Variants in CAST observed in about 807,000 individuals in gnomAD.
CAST encodes the protein MIR583 host.
A neutral mutation model predicts 119.6 loss-of-function variants in CAST; 76 were observed. That is an observed-to-expected ratio of 0.64 (90% confidence interval 0.53 to 0.77). CAST has a LOEUF of 0.77. Ranked by LOEUF, CAST falls within the 30% of genes least tolerant of loss-of-function variation. The pLI is 0.00. For missense variants in CAST, 953 were observed against 946.5 expected (o/e 1.01, Z -0.09); for synonymous variants, 319 against 331.6 (o/e 0.96, Z 0.41).
the CAST span, among the ~76,000 whole-genome samples, chr5:96,421,119 G>A: frequency 6.6e-6 from 1 of 152,218 alleles, no homozygotes; most frequent in East Asian, 1.9e-4. Flanking sequence ...TGCCTAGAGC[G>A]TGAAGTTTCT....
intron 1 of CAST, among the ~76,000 whole-genome samples, chr5:96,617,790 TAAAAAAAAAAAAAA>T (rs1162873931): frequency 2.6e-3 from 57 of 21,990 alleles, no homozygotes; most frequent in African/African-American, 4.6e-3. Flanking sequence ...AAATTCCATC[TAAAAAAAAAAAAAA>T]AAAAAAAAAA....
At chr5:96,400,736 C>G in the CAST span, among the ~76,000 whole-genome samples, 1 of 152,186 alleles carries the variant, frequency 6.6e-6, no homozygotes, top group Admixed American at 6.5e-5. Flanking sequence ...CTCACTCTTG[C>G]AAGGCACTAT....
At chr5:96,478,245 C>T in the CAST span, among the ~76,000 whole-genome samples, 76 of 151,918 alleles carry the variant, frequency 5.0e-4, no homozygotes, top group East Asian at 1.5e-3. Flanking sequence ...TGATAGTATC[C>T]GCAAGAAGTA....
chr5:96,477,111 C>CAA, the CAST span, among the ~76,000 whole-genome samples: 3 of 128,482 alleles, frequency 2.3e-5, no homozygotes, highest in Admixed American at 1.6e-4. Flanking sequence ...CACACACACA[C>CAA]AAATTATCAC....
chr5:96,100,790 G>A, the CAST span, among the ~76,000 whole-genome samples: 1 of 152,034 alleles, frequency 6.6e-6, no homozygotes, highest in Non-Finnish European at 1.5e-5. Flanking sequence ...ATAAAATTAT[G>A]AGGTATTTGC....
upstream of CAST, chr5:96,662,330 T>G (rs1235443890): frequency 1.1e-5 from 3 of 261,796 alleles, no homozygotes; most frequent in Admixed American, 6.7e-5. Flanking sequence ...GCTCCCTCCC[T>G]CCCTCCCTCT....
At chr5:96,423,029 A>G in the CAST span, among the ~76,000 whole-genome samples, 1 of 152,200 alleles carries the variant, frequency 6.6e-6, no homozygotes, top group Non-Finnish European at 1.5e-5. Context: ...TGAGCAACTC[A>G]AAGTCATCAG....
At chr5:96,387,918 C>T in the CAST span, among the ~76,000 whole-genome samples, 1 of 152,162 alleles carries the variant, frequency 6.6e-6, no homozygotes, top group Admixed American at 6.5e-5. Context: ...ATCATGACAA[C>T]CCTGCAGGAA....
intron 9 of CAST, among the ~76,000 whole-genome samples, chr5:96,735,419 GTC>G (rs946088418): frequency 6.6e-6 from 1 of 152,180 alleles, no homozygotes; most frequent in Admixed American, 6.5e-5. Flanking sequence ...GTTTCTGCCA[GTC>G]TCTGAAAGCA....
the CAST span, among the ~76,000 whole-genome samples, chr5:96,424,113 A>C: frequency 6.6e-6 from 1 of 152,216 alleles, no homozygotes; most frequent in African/African-American, 2.4e-5. Context: ...GCAAGGGAAC[A>C]CAGATATAAG....
chr5:96,725,106 A>G (rs181130620), intron 4 of CAST, among the ~76,000 whole-genome samples: 1 of 152,254 alleles, frequency 6.6e-6, no homozygotes, highest in African/African-American at 2.4e-5. Flanking sequence ...AACTGGAGGA[A>G]AGTAGGAGAG....
the CAST span, among the ~76,000 whole-genome samples, chr5:95,968,300 A>G: frequency 6.6e-6 from 1 of 152,192 alleles, no homozygotes; most frequent in Non-Finnish European, 1.5e-5. Context: ...TAGCTAGCAT[A>G]TTGACTTTAA....
chr5:96,306,068 G>T, the CAST span, among the ~76,000 whole-genome samples: 1 of 152,148 alleles, frequency 6.6e-6, no homozygotes, highest in Admixed American at 6.5e-5. Flanking sequence ...CTGTGAATCC[G>T]TCTGTTCCTA....
the CAST span, among the ~76,000 whole-genome samples, chr5:96,350,444 TC>T: frequency 1.3e-5 from 2 of 152,112 alleles, no homozygotes; most frequent in African/African-American, 4.8e-5. Context: ...CTGTCCTTTG[TC>T]CCCCACCTGT....
At chr5:96,504,697 G>A in the CAST span, among the ~76,000 whole-genome samples, 2 of 152,084 alleles carry the variant, frequency 1.3e-5, no homozygotes, top group Non-Finnish European at 2.9e-5. Flanking sequence ...GGTACACACA[G>A]TTGTGCAACT....
the CAST span, among the ~76,000 whole-genome samples, chr5:96,296,205 G>T: frequency 6.6e-6 from 1 of 152,040 alleles, no homozygotes; most frequent in African/African-American, 2.4e-5. Context: ...CCTTCTACAG[G>T]GTTTGCTACA....
intron 1 of CAST, among the ~76,000 whole-genome samples, chr5:96,646,609 C>T (rs1189880175): frequency 1.3e-5 from 2 of 152,014 alleles, no homozygotes; most frequent in South Asian, 2.1e-4. Context: ...ATTGGCTGTT[C>T]CTGGAATTAA....
At chr5:95,974,108 G>A in the CAST span, among the ~76,000 whole-genome samples, 19 of 152,142 alleles carry the variant, frequency 1.2e-4, no homozygotes, top group Non-Finnish European at 2.4e-4. Flanking sequence ...GCTTTCCAGG[G>A]AGCTACCAAC....
At chr5:96,539,267 T>C (rs1745873921) in intron 1 of CAST, among the ~76,000 whole-genome samples, 1 of 152,186 alleles carries the variant, frequency 6.6e-6, no homozygotes, top group Admixed American at 6.5e-5. Context: ...TTCTAATGGG[T>C]AATGCAAACT....
Sources: allele counts gnomAD v4.1 joint callset (sites outside exome capture counted in the v4.1 genomes callset), GRCh38; gene constraint gnomAD v4.1.1; transcripts MANE v1.5; gene names NCBI Gene and HGNC (gene_info 2026-07-23, HGNC 2026-07-21).